GPAT3: variants seen among roughly 807,000 people sequenced by gnomAD.
The protein encoded by GPAT3 is 1-AGP acyltransferase 9.
Under a neutral mutation model 58.8 loss-of-function variants are expected in GPAT3, and 53 were observed. The observed-to-expected ratio is 0.90, with a 90% confidence interval of 0.72 to 1.13. GPAT3 has a LOEUF of 1.13. GPAT3 is among the 50% of genes most tolerant of loss of function. The pLI is 0.00. For missense variants in GPAT3, 511 were observed against 527.6 expected, an observed-to-expected ratio of 0.97 and a Z score of 0.31; for synonymous variants, 197 against 187.4, an observed-to-expected ratio of 1.05 and a Z score of -0.42.
intron 2 of GPAT3, among the ~76,000 whole-genome samples, chr4:83,565,415 T>C (rs1315569606): frequency 2.6e-5 from 4 of 152,142 alleles, no homozygotes; most frequent in African/African-American, 4.8e-5. Context: ...GTTTATACAT[T>C]TGGATCTGTT....
chr4:83,598,751 CTTTTTTTTTTTTTTTTTTTTTTTTT>C (rs70965361), intron 11 of GPAT3, 28 bp downstream of exon 11: 54 of 152,442 alleles, frequency 3.5e-4, no homozygotes, highest in African/African-American at 2.9e-3. Flanking sequence ...AGTACTATCA[CTTTTTTTTTTTTTTTTTTTTTTTTT>C]TTTTTTTTTT....
At chr4:83,567,831 A>G (rs1725461286) in intron 2 of GPAT3, among the ~76,000 whole-genome samples, 1 of 152,094 alleles carries the variant, frequency 6.6e-6, no homozygotes, top group South Asian at 2.1e-4. Flanking sequence ...AGGGGTGCAT[A>G]TGTAGGTATT....
At chr4:83,593,166 C>CTTTTTTTTT (rs761351611) in intron 6 of GPAT3, among the ~76,000 whole-genome samples, 9 of 112,358 alleles carry the variant, frequency 8.0e-5, no homozygotes, top group African/African-American at 2.2e-4. Flanking sequence ...CGAGCCAGGA[C>CTTTTTTTTT]TTTTTTTTTT....
chr4:83,591,738 A>G (rs985417096), intron 6 of GPAT3, among the ~76,000 whole-genome samples: 3 of 152,182 alleles, frequency 2.0e-5, no homozygotes, highest in Admixed American at 6.5e-5. Context: ...TAATCCAATC[A>G]GGTTAGGTCT....
rs142211930 is a variant in GPAT3 at position 83,558,249 on chromosome 4, TG to T, written c.208+13648del. On this transcript the variant is annotated intron_variant, in intron 2 of 11. Transcript: ENST00000264409. ...AAGAAAGTCATCTTGACAGTTTTGA[TG>T]AATGAACCATCAGAGAGTGGGACTG... Among the ~76,000 whole-genome samples the T allele has an allele frequency of 6.3e-3, 953 of 151,760 alleles. 9 individuals carry two copies. The highest frequency in any genetic ancestry group is 0.022 in the African/African-American group (909 of 41,358).
At position 83,536,122 on chromosome 4, in the gene GPAT3, C is replaced by A; in HGVS notation, c.-501C>A. The A allele has an allele frequency of 1.0e-6, 1 of 985,872 alleles. No homozygotes were observed. The highest frequency in any genetic ancestry group is 1.2e-6 in the Non-Finnish European group (1 of 830,196). The allele number at this position is 985,872 out of a possible 1,614,324, so 61.1% of individuals were successfully genotyped here. Reference sequence around the variant, plus strand: ...CGAGCGCAGCCAGCTTCCAGCACAGCCCGCGGCCCGGTGCCAGCTCCGCCG... The same window carrying A: ...CGAGCGCAGCCAGCTTCCAGCACAGACCGCGGCCCGGTGCCAGCTCCGCCG... On this transcript the variant is annotated 5_prime_UTR_variant, in exon 1 of 12. Transcript: ENST00000264409.
At chr4:83,545,092 GC>G (rs1207289888) in intron 2 of GPAT3, among the ~76,000 whole-genome samples, 5 of 152,162 alleles carry the variant, frequency 3.3e-5, no homozygotes, top group African/African-American at 1.2e-4. Context: ...TACTATACTT[GC>G]CTTTGGAGAG....
chr4:83,543,663 TGA>T (rs2110070303), intron 1 of GPAT3, among the ~76,000 whole-genome samples: 1 of 152,200 alleles, frequency 6.6e-6, no homozygotes, highest in South Asian at 2.1e-4. Context: ...TTTGTTTTTT[TGA>T]GAGAGTCTCA....
intron 2 of GPAT3, among the ~76,000 whole-genome samples, chr4:83,579,650 C>T (rs1411616099): frequency 6.6e-6 from 1 of 152,032 alleles, no homozygotes; most frequent in East Asian, 1.9e-4. Flanking sequence ...GACAAAAACT[C>T]CAAAATCCCC....
chr4:83,604,848 TTTG>T lies in GPAT3; in HGVS notation c.*84_*86del, dbSNP rs1727198949. ...TTTTTGTTTTGTTTTGTTTTATTGT[TTTG>T]TTTTTATTATTGTTAATCTTTTCTA... On this transcript the variant is annotated 3_prime_UTR_variant, in exon 12 of 12. Transcript: ENST00000264409. 1.8e-6 allele frequency: 2 copies of T among 1,127,508 alleles called. No homozygotes were observed. The highest frequency in any genetic ancestry group is 2.6e-6 in the Non-Finnish European group (2 of 782,882). 69.8% of individuals were successfully genotyped at this position (1,127,508 alleles called of 1,614,324 possible). A position where few individuals can be genotyped will look rare whatever the true frequency, so the allele number is the denominator to read the frequency against.
At chr4:83,583,308 GAAA>G (rs1726235037) in intron 3 of GPAT3, among the ~76,000 whole-genome samples, 2 of 151,138 alleles carry the variant, frequency 1.3e-5, no homozygotes, top group African/African-American at 4.9e-5. Flanking sequence ...AAAAAAGAAA[GAAA>G]GAAAGAAAAA....
intron 7 of GPAT3, chr4:83,595,329 T>TA (rs1251183205): frequency 6.5e-5 from 10 of 152,946 alleles, no homozygotes; most frequent in African/African-American, 2.2e-4. Context: ...AAAAAATATA[T>TA]AAAAAAGAAA....
rs180969033 is a variant in GPAT3 at position 83,594,503 on chromosome 4, T to C, written c.739-342T>C. On this transcript the variant is annotated intron_variant, in intron 6 of 11. Transcript: ENST00000264409. The stretch of plus-strand genomic sequence containing the variant: ...ATCCATAGACTTATGTCAGAGTGTA[T>C]TGTCAAGCTTTTAAATCTTTGTCAG... Among the ~76,000 whole-genome samples the C allele has an allele frequency of 3.2e-3, 485 of 152,340 alleles. 1 individual carries two copies. The highest frequency in any genetic ancestry group is 0.011 in the African/African-American group (470 of 41,576).
At chr4:83,585,340 G>T (rs145930969) in intron 3 of GPAT3, among the ~76,000 whole-genome samples, 6 of 149,408 alleles carry the variant, frequency 4.0e-5, no homozygotes, top group Admixed American at 1.3e-4. Flanking sequence ...AAAATTGATA[G>T]TTATAATTAT....
At position 83,536,653 on chromosome 4, in the gene GPAT3, C is replaced by A. The variant is rs780179869; in HGVS notation, c.31C>A (p.Leu11Ile). Reference protein sequence around the residue: MEGAELAGKILSTWLTLVLGF... With the variant: MEGAELAGKIISTWLTLVLGF... ...GGGCGCAGAGCTGGCCGGGAAGATC[C>A]TTTCCACCTGGCTGACGCTGGTTCT... The change falls in exon 1 of 12, where the codon CTT (leucine) becomes ATT (isoleucine). Residue 11 changes from leucine (L) to isoleucine (I), a missense_variant. Coordinates refer to ENST00000264409, the MANE Select transcript of GPAT3 (RefSeq NM_032717.5). 3 of 1,613,244 alleles carry A rather than the reference C, an allele frequency of 1.9e-6. No homozygotes were observed. Among genetic ancestry groups the A allele is most frequent in the East Asian group, 4.5e-5 (2 of 44,870 alleles).
intron 2 of GPAT3, 41 bp from the exon 3 acceptor site, chr4:83,581,521 G>T: frequency 6.3e-7 from 1 of 1,585,216 alleles, no homozygotes; most frequent in Non-Finnish European, 8.6e-7. Context: ...CAATTCTTCT[G>T]TCGTATGGCA....
intron 2 of GPAT3, among the ~76,000 whole-genome samples, chr4:83,557,313 T>C (rs949716162): frequency 6.6e-6 from 1 of 152,240 alleles, no homozygotes; most frequent in African/African-American, 2.4e-5. Context: ...GTAAAGCTTT[T>C]GATTCTATTC....
rs202091102 is a variant in GPAT3 at position 83,568,148 on chromosome 4, AC to A, written c.209-13411del. The stretch of plus-strand genomic sequence containing the variant: ...TGTGCAGGTGCTTAAAGTAAACTTT[AC>A]CCTGTTTCACATTAAAAAAAAATTG... On this transcript the variant is annotated intron_variant, in intron 2 of 11. Coordinates refer to ENST00000264409, the MANE Select transcript of GPAT3 (RefSeq NM_032717.5). Among the ~76,000 whole-genome samples, 17 of 151,950 alleles carry A rather than the reference AC, an allele frequency of 1.1e-4. No homozygotes were observed. The East Asian group carries it at 2.9e-3, about 26-fold the overall frequency.
At chr4:83,561,861 A>G (rs1291639534) in intron 2 of GPAT3, among the ~76,000 whole-genome samples, 6 of 150,410 alleles carry the variant, frequency 4.0e-5, no homozygotes, top group Non-Finnish European at 1.5e-5. Flanking sequence ...TTATCTCCAT[A>G]GGACAAGCAT....
Sources: allele counts gnomAD v4.1 joint callset (sites outside exome capture counted in the v4.1 genomes callset), GRCh38; gene constraint gnomAD v4.1.1; transcripts MANE v1.5; gene names NCBI Gene and HGNC (gene_info 2026-07-23, HGNC 2026-07-21).